YEATS2: variants seen among roughly 807,000 people sequenced by gnomAD.
YEATS2 encodes YEATS domain containing 2, also known as YEATS domain-containing protein 2.
YEATS2 carries 77 observed loss-of-function variants against 163.2 expected under a neutral mutation model. The ratio of observed to expected loss-of-function variants is 0.47; its 90% CI spans 0.39 to 0.57. YEATS2 has a LOEUF of 0.57. Among genes scored for constraint, YEATS2 ranks in the 20% least tolerant of loss-of-function variants. The pLI, the probability that YEATS2 is intolerant of heterozygous loss-of-function variation, is 0.00. For missense variants in YEATS2, 1,549 were observed against 1,729.8 expected (o/e 0.90, Z 1.85); for synonymous variants, 631 against 645.1 (o/e 0.98, Z 0.33).
chr3:183,702,400 G>A (rs992734558), intron 1 of YEATS2, among the ~76,000 whole-genome samples: 15 of 152,058 alleles, frequency 9.9e-5, no homozygotes, highest in African/African-American at 2.7e-4. Flanking sequence ...AGCCAAGATC[G>A]TGCCATTGCA....
At chr3:183,773,609 A>T (rs770839383) in intron 16 of YEATS2, 24 bp from the exon 17 acceptor site, 24 of 1,564,304 alleles carry the variant, frequency 1.5e-5, no homozygotes, top group Non-Finnish European at 2.0e-5. Context: ...TTATCTTACA[A>T]TTTTTTCTCC....
intron 15 of YEATS2, 46 bp downstream of exon 15, chr3:183,762,325 GTT>G: frequency 4.0e-6 from 6 of 1,500,590 alleles, no homozygotes; most frequent in Non-Finnish European, 5.3e-6. Flanking sequence ...AAATGATGTT[GTT>G]TGCCTAAATA....
intron 26 of YEATS2, 71 bp downstream of exon 26, chr3:183,803,406 C>T: frequency 1.2e-5 from 16 of 1,375,900 alleles, no homozygotes; most frequent in Non-Finnish European, 1.6e-5. Context: ...GATAAGATTG[C>T]AGCATATTTG....
At chr3:183,786,667 TAA>T (rs1724098135) in intron 20 of YEATS2, among the ~76,000 whole-genome samples, 1 of 152,050 alleles carries the variant, frequency 6.6e-6, no homozygotes, top group South Asian at 2.1e-4. Flanking sequence ...GGGAGTCATA[TAA>T]CATGCCCTTT....
intron 21 of YEATS2, 92 bp from the exon 22 acceptor site, chr3:183,797,831 C>G: frequency 1.3e-6 from 2 of 1,530,060 alleles, no homozygotes; most frequent in Non-Finnish European, 8.9e-7. Flanking sequence ...CTGGGAACTT[C>G]CTCCATGACA....
At chr3:183,770,163 C>T (rs555091814) in intron 15 of YEATS2, among the ~76,000 whole-genome samples, 161 of 151,400 alleles carry the variant, frequency 1.1e-3, no homozygotes, top group African/African-American at 3.6e-3. Context: ...CCGAGGCGGG[C>T]GGATCACGAG....
chr3:183,717,965 TC>T (rs774516767), intron 3 of YEATS2, among the ~76,000 whole-genome samples: 31 of 151,882 alleles, frequency 2.0e-4, no homozygotes, highest in Non-Finnish European at 3.7e-4. Context: ...TACCTGGAAT[TC>T]CATTCAAAAA....
intron 21 of YEATS2, among the ~76,000 whole-genome samples, chr3:183,797,282 A>G (rs994513532): frequency 5.3e-5 from 8 of 150,796 alleles, no homozygotes; most frequent in African/African-American, 2.0e-4. Context: ...AAAAAAAAAA[A>G]AAAAAAGCCC....
chr3:183,806,700 G>T, intron 27 of YEATS2, 166 bp from the exon 28 acceptor site: 1 of 665,114 alleles, frequency 1.5e-6, no homozygotes, highest in Non-Finnish European at 2.5e-6. Flanking sequence ...TCTCCCTCGT[G>T]AATTACTAGT....
intron 8 of YEATS2, among the ~76,000 whole-genome samples, chr3:183,738,912 A>G (rs2109184019): frequency 6.9e-6 from 1 of 145,880 alleles, no homozygotes; most frequent in South Asian, 2.3e-4. Flanking sequence ...CTTTGGGTAT[A>G]TACCCAGTAA....
intron 1 of YEATS2, among the ~76,000 whole-genome samples, chr3:183,706,646 G>C (rs1714646725): frequency 1.3e-5 from 2 of 152,092 alleles, no homozygotes; most frequent in African/African-American, 4.8e-5. Context: ...GAGAAACCCC[G>C]TCTCTACTAA....
At chr3:183,795,455 A>ATTTTTTT (rs573338439) in intron 21 of YEATS2, among the ~76,000 whole-genome samples, 6 of 79,898 alleles carry the variant, frequency 7.5e-5, no homozygotes, top group African/African-American at 2.6e-4. Flanking sequence ...CACGGGACTA[A>ATTTTTTT]TTTTTTTTTT....
Position 183,728,843 on chromosome 3 carries a change from G to C in YEATS2, c.804G>C (p.Val268=). The part of the protein sequence containing the change: ...LHPSYKPNDL[V]EVREPPFHLT... Reference sequence around the variant, plus strand: ...CTAGCTATAAACCAAATGACCTTGTGGAAGTTAGGTAAGCACGCTTGAGGT... The same window carrying C: ...CTAGCTATAAACCAAATGACCTTGTCGAAGTTAGGTAAGCACGCTTGAGGT... The change falls in exon 7 of 31, where the codon GTG becomes GTC. Residue 268 remains valine (V), a synonymous_variant. Coordinates refer to ENST00000305135, the MANE Select transcript of YEATS2 (RefSeq NM_018023.5). 1 of 1,609,552 alleles carries C rather than the reference G, an allele frequency of 6.2e-7. No individual in the cohort carries two copies. The highest frequency in any genetic ancestry group is 8.5e-7 in the Non-Finnish European group (1 of 1,178,750).
At chr3:183,772,663 C>A in intron 16 of YEATS2, 100 bp downstream of exon 16, 1 of 1,455,738 alleles carries the variant, frequency 6.9e-7, no homozygotes, top group Non-Finnish European at 9.3e-7. Flanking sequence ...CTAGGAAAGC[C>A]TAGTTAGGTT....
intron 20 of YEATS2, among the ~76,000 whole-genome samples, chr3:183,789,657 T>G (rs1163960309): frequency 6.8e-6 from 1 of 146,916 alleles, no homozygotes; most frequent in Non-Finnish European, 1.5e-5. Context: ...TGCCTCAGCC[T>G]CCTGAGTAGC....
At chr3:183,805,101 A>G (rs1036175907) in intron 27 of YEATS2, among the ~76,000 whole-genome samples, 1 of 151,916 alleles carries the variant, frequency 6.6e-6, no homozygotes, top group African/African-American at 2.4e-5. Context: ...TTTCACCTCA[A>G]AGAATAAGAA....
rs1179360035 is a variant in YEATS2 at position 183,797,946 on chromosome 3, C to G, written c.3121C>G (p.Gln1041Glu). The change falls in exon 22 of 31, where the codon CAG (glutamine) becomes GAG (glutamate). Residue 1041 changes from glutamine (Q) to glutamate (E), a missense_variant. By Grantham distance (29) the Gln-to-Glu change is conservative. Transcript: ENST00000305135. ...AGGACTGTTAAAGATTCACTCCAGT[C>G]AGTCCAGTCCGCAGCAGGCCGTCCT... ...VSGLLKIHSSQSSPQQAVLTI... is the reference protein window; with the variant it reads ...VSGLLKIHSSESSPQQAVLTI... 1 of 1,614,122 alleles carries G rather than the reference C, an allele frequency of 6.2e-7. No homozygotes were observed. The highest frequency in any genetic ancestry group is 8.5e-7 in the Non-Finnish European group (1 of 1,180,006).
intron 20 of YEATS2, among the ~76,000 whole-genome samples, chr3:183,789,914 C>CTAG (rs1560318569): frequency 6.6e-6 from 1 of 152,048 alleles, no homozygotes; most frequent in African/African-American, 2.4e-5. Context: ...TCCAGTTGGC[C>CTAG]TAGAAACATT....
At chr3:183,772,168 G>C in intron 15 of YEATS2, 137 bp from the exon 16 acceptor site, 1 of 1,161,072 alleles carries the variant, frequency 8.6e-7, no homozygotes, top group Non-Finnish European at 1.2e-6. Flanking sequence ...GTTCACACCT[G>C]TGTAGGTAGC....
Sources: allele counts gnomAD v4.1 joint callset (sites outside exome capture counted in the v4.1 genomes callset), GRCh38; gene constraint gnomAD v4.1.1; transcripts MANE v1.5; gene names NCBI Gene and HGNC (gene_info 2026-07-23, HGNC 2026-07-21).